KIR2DL3: variants seen among roughly 807,000 people sequenced by gnomAD.
The protein encoded by KIR2DL3 is killer cell immunoglobulin like receptor, two Ig domains and long cytoplasmic tail 3.
KIR2DL3 carries 39 observed loss-of-function variants against 33.8 expected under a neutral mutation model. The ratio of observed to expected loss-of-function variants is 1.15; its 90% CI spans 0.89 to 1.51. KIR2DL3 has a LOEUF of 1.51. KIR2DL3 is among the 40% of genes most tolerant of loss of function. The pLI, the probability that KIR2DL3 is intolerant of heterozygous loss-of-function variation, is 0.00. For synonymous variants in KIR2DL3, 174 were observed against 160.2 expected (o/e 1.09, Z -0.65); for missense variants, 462 against 426.2 (o/e 1.08, Z -0.74).
At chr19:54,744,938 A>G (rs1382456234) in intron 4 of KIR2DL3, among the ~76,000 whole-genome samples, 13 of 22,144 alleles carry the variant, frequency 5.9e-4, no homozygotes, top group African/African-American at 1.9e-3. Context: ...ATATATATAT[A>G]TATATATATA....
At chr19:54,748,587 A>G (rs2072932290) in intron 5 of KIR2DL3, among the ~76,000 whole-genome samples, 1 of 149,012 alleles carries the variant, frequency 6.7e-6, no homozygotes, top group Non-Finnish European at 1.5e-5. Context: ...TGAATGATCC[A>G]TTGGGAAGCA....
At chr19:54,741,828 G>C in intron 2 of KIR2DL3, 152 bp from the exon 3 acceptor site, 1 of 1,152,544 alleles carries the variant, frequency 8.7e-7, no homozygotes, top group Admixed American at 2.3e-5. Context: ...GGAAGGACCT[G>C]CACCAGGAGT....
At chr19:54,742,615 C>A (rs2071387050) in intron 3 of KIR2DL3, among the ~76,000 whole-genome samples, 1 of 151,924 alleles carries the variant, frequency 6.6e-6, no homozygotes. Flanking sequence ...TTCTGTTTTA[C>A]CTCCACAAAG....
chr19:54,745,833 A>T (rs929230396), intron 4 of KIR2DL3, among the ~76,000 whole-genome samples: 2 of 141,592 alleles, frequency 1.4e-5, no homozygotes, highest in African/African-American at 5.2e-5. Flanking sequence ...TTATTTTGAG[A>T]TGGAGTTTCG....
At chr19:54,747,820 AG>A (rs2072791172) in intron 5 of KIR2DL3, among the ~76,000 whole-genome samples, 2 of 152,180 alleles carry the variant, frequency 1.3e-5, no homozygotes, top group Admixed American at 1.3e-4. Flanking sequence ...GCAGAGCAAC[AG>A]CCTTGCCGTA....
At chr19:54,748,605 A>G (rs4806439) in intron 5 of KIR2DL3, among the ~76,000 whole-genome samples, 18,174 of 139,458 alleles carry the variant, frequency 0.13, 7 homozygotes, top group African/African-American at 0.19. Context: ...GCATCTGTGC[A>G]TGAAATCTAT....
intron 5 of KIR2DL3, among the ~76,000 whole-genome samples, chr19:54,750,716 G>C (rs1600457860): frequency 7.2e-6 from 1 of 139,230 alleles, no homozygotes; most frequent in Admixed American, 7.4e-5. Flanking sequence ...AGAACACACA[G>C]AGAATACATT....
chr19:54,744,899 C>CAT (rs2072073672), intron 4 of KIR2DL3, among the ~76,000 whole-genome samples: 19 of 45,118 alleles, frequency 4.2e-4, no homozygotes, highest in African/African-American at 1.2e-3. Flanking sequence ...TATATATATA[C>CAT]ACACACACAC....
Position 54,753,013 on chromosome 19 carries a change from A to C in KIR2DL3, c.*494A>C. 1 of 180,930 alleles carries C rather than the reference A, an allele frequency of 5.5e-6. No individual in the cohort carries two copies. Among genetic ancestry groups the C allele is most frequent in the Non-Finnish European group, 1.1e-5 (1 of 89,670 alleles). 11.2% of individuals were successfully genotyped at this position (180,930 alleles called of 1,614,324 possible). On this transcript the variant is annotated 3_prime_UTR_variant, in exon 8 of 8. Transcript: ENST00000342376. ...TTATATATTTTTTAAAATAATTTCA[A>C]TGTAGTTTTCCCTCCTTCAAATAAA...
chr19:54,749,067 A>G (rs1463165656), intron 5 of KIR2DL3, among the ~76,000 whole-genome samples: 1 of 152,122 alleles, frequency 6.6e-6, no homozygotes, highest in African/African-American at 2.4e-5. Context: ...TTGCACACAC[A>G]GCTGTCAGCC....
Position 54,743,830 on chromosome 19 carries a change from G to A in KIR2DL3, c.406G>A (p.Gly136Ser). The A allele has an allele frequency of 6.8e-6, 11 of 1,612,130 alleles. No homozygotes were observed. Among genetic ancestry groups the A allele is most frequent in the African/African-American group, 1.3e-5 (1 of 74,618 alleles). The change falls in exon 4 of 8, where the codon GGC (glycine) becomes AGC (serine). Residue 136 changes from glycine to serine, a missense_variant. Gly to Ser is a moderately conservative substitution (Grantham distance 56). Transcript: ENST00000342376. ...YEKPSLSAQPGPTVLAGESVT... is the reference protein window; with the variant it reads ...YEKPSLSAQPSPTVLAGESVT... ...GAAACCTTCTCTCTCAGCCCAGCCG[G>A]GCCCCACGGTTCTGGCAGGAGAGAG... is the stretch of plus-strand genomic sequence containing the variant.
intron 5 of KIR2DL3, among the ~76,000 whole-genome samples, chr19:54,750,569 T>C (rs80072968): frequency 0.066 from 6,909 of 104,508 alleles, 678 homozygotes; most frequent in South Asian, 0.1. Context: ...TCAAGAATGC[T>C]GTGGATGTAG....
At chr19:54,742,773 G>A (rs2071420928) in intron 3 of KIR2DL3, among the ~76,000 whole-genome samples, 1 of 151,126 alleles carries the variant, frequency 6.6e-6, no homozygotes, top group Admixed American at 6.6e-5. Context: ...AGGATATCAT[G>A]GCCCCAGAAC....
At chr19:54,744,123 A>G (rs2071779242) in intron 4 of KIR2DL3, 35 bp downstream of exon 4, 1 of 1,612,482 alleles carries the variant, frequency 6.2e-7, no homozygotes, top group Non-Finnish European at 8.5e-7. Flanking sequence ...ATGTCCTATG[A>G]TCCTAGAGCC....
intron 2 of KIR2DL3, among the ~76,000 whole-genome samples, chr19:54,739,859 G>A (rs1316043582): frequency 6.6e-6 from 1 of 152,208 alleles, no homozygotes; most frequent in Admixed American, 6.5e-5. Flanking sequence ...CTGCAGTGTG[G>A]CTGCTGTCAT....
At chr19:54,743,228 A>G (rs2071519161) in intron 3 of KIR2DL3, among the ~76,000 whole-genome samples, 1 of 152,220 alleles carries the variant, frequency 6.6e-6, no homozygotes, top group Non-Finnish European at 1.5e-5. Context: ...TGATTGATTG[A>G]TTCATTAATA....
At chr19:54,740,468 G>A (rs2070825054) in intron 2 of KIR2DL3, among the ~76,000 whole-genome samples, 1 of 151,568 alleles carries the variant, frequency 6.6e-6, no homozygotes, top group Non-Finnish European at 1.5e-5. Context: ...GCACACACAG[G>A]GACATACAGA....
chr19:54,739,938 T>C (rs1337792384), intron 2 of KIR2DL3, among the ~76,000 whole-genome samples: 1 of 152,188 alleles, frequency 6.6e-6, no homozygotes, highest in Non-Finnish European at 1.5e-5. Context: ...GGGGCTCAGT[T>C]GTTTATTTTC....
At chr19:54,750,498 A>C (rs79340341) in intron 5 of KIR2DL3, among the ~76,000 whole-genome samples, 14,035 of 106,318 alleles carry the variant, frequency 0.13, 1,215 homozygotes, top group South Asian at 0.24. Context: ...AATTCTACTT[A>C]GCTTTTTTTA....
Sources: allele counts gnomAD v4.1 joint callset (sites outside exome capture counted in the v4.1 genomes callset), GRCh38; gene constraint gnomAD v4.1.1; transcripts MANE v1.5; gene names NCBI Gene and HGNC (gene_info 2026-07-23, HGNC 2026-07-21).